Variants in NID1 observed in about 807,000 individuals in gnomAD.
NID1 encodes the protein nidogen-1.
Under a neutral mutation model 130.6 loss-of-function variants are expected in NID1, and 76 were observed. The ratio of observed to expected loss-of-function variants is 0.58; its 90% CI spans 0.48 to 0.70. The LOEUF is 0.70. Ranked by LOEUF, NID1 falls within the 30% of genes least tolerant of loss-of-function variation. The pLI is 0.00. For synonymous variants in NID1, 665 were observed against 675.1 expected (o/e 0.98, Z 0.23); for missense variants, 1,517 against 1,664.8 (o/e 0.91, Z 1.54).
At chr1:236,032,717 A>T (rs116464435) in intron 5 of NID1, 65 bp from the exon 6 acceptor site, 23,212 of 1,587,244 alleles carry the variant, frequency 0.015, 231 homozygotes, top group Middle Eastern at 0.025. Flanking sequence ...AACACGAGTA[A>T]TATGTAGGAC....
intron 12 of NID1, among the ~76,000 whole-genome samples, chr1:235,995,317 T>A (rs534732145): frequency 6.9e-4 from 105 of 152,344 alleles, no homozygotes; most frequent in Middle Eastern, 3.4e-3. Flanking sequence ...ATAGGTTATA[T>A]GCAAATACTA....
At chr1:236,013,128 A>G (rs1214217136) in intron 11 of NID1, among the ~76,000 whole-genome samples, 2 of 152,188 alleles carry the variant, frequency 1.3e-5, no homozygotes, top group African/African-American at 4.8e-5. Context: ...TCTTTGTGAA[A>G]GACAGAAAAT....
Position 236,045,453 on chromosome 1 carries a change from A to G in NID1, c.752+4T>C. ...GAATCTACTGAAGAACAAAGAAAGC[A>G]TACTTGGCCAAATTTTCAACTGATT... On this transcript the variant is annotated splice_donor_region_variant and intron_variant, in intron 3 of 19. Transcript: ENST00000264187. 5.6e-6 allele frequency: 9 copies of G among 1,607,456 alleles called. No individual in the cohort carries two copies. The highest frequency in any genetic ancestry group is 7.7e-6 in the Non-Finnish European group (9 of 1,174,060).
At chr1:236,042,358 C>G in intron 3 of NID1, 66 bp from the exon 4 acceptor site, 1 of 1,546,174 alleles carries the variant, frequency 6.5e-7, no homozygotes, top group Non-Finnish European at 8.7e-7. Context: ...ACTACCCAAG[C>G]AGAGGGAGCC....
chr1:236,022,552 C>T (rs1572601546), intron 9 of NID1, among the ~76,000 whole-genome samples: 2 of 150,438 alleles, frequency 1.3e-5, no homozygotes, highest in Admixed American at 6.6e-5. Flanking sequence ...GTTGGCCAGG[C>T]TGGTCTCAAA....
chr1:235,991,838 G>A (rs1235747565), intron 13 of NID1, among the ~76,000 whole-genome samples: 1 of 152,188 alleles, frequency 6.6e-6, no homozygotes, highest in African/African-American at 2.4e-5. Flanking sequence ...CTGTCAGAAT[G>A]AGTTGCCCCA....
At chr1:235,981,576 C>A in intron 16 of NID1, 35 bp downstream of exon 16, 2 of 1,581,226 alleles carry the variant, frequency 1.3e-6, no homozygotes, top group South Asian at 2.3e-5. Context: ...AGATGCAAAT[C>A]AAAGAGATGC....
intron 15 of NID1, among the ~76,000 whole-genome samples, chr1:235,982,788 T>C (rs1316275518): frequency 6.6e-6 from 1 of 152,208 alleles, no homozygotes; most frequent in African/African-American, 2.4e-5. Flanking sequence ...TCATTTAGTA[T>C]GACTGGAGTA....
At chr1:236,036,563 A>T (rs191904075) in intron 5 of NID1, among the ~76,000 whole-genome samples, 1 of 152,348 alleles carries the variant, frequency 6.6e-6, no homozygotes, top group East Asian at 1.9e-4. Context: ...ATTTGTTGGC[A>T]TCTGCTATGG....
At chr1:236,050,352 G>A (rs1315870049) in intron 1 of NID1, among the ~76,000 whole-genome samples, 2 of 151,704 alleles carry the variant, frequency 1.3e-5, no homozygotes, top group Admixed American at 6.6e-5. Context: ...TCAGGAGTTC[G>A]AGACCAGCCT....
intron 9 of NID1, among the ~76,000 whole-genome samples, chr1:236,020,492 G>A (rs940229678): frequency 2.0e-5 from 3 of 152,184 alleles, no homozygotes; most frequent in African/African-American, 7.2e-5. Flanking sequence ...TTGAGAAACA[G>A]CGGGAGCCAT....
At chr1:235,988,577 A>T (rs1657635834) in intron 14 of NID1, among the ~76,000 whole-genome samples, 1 of 152,222 alleles carries the variant, frequency 6.6e-6, no homozygotes, top group African/African-American at 2.4e-5. Flanking sequence ...ATATTTGTAT[A>T]CCCATGTTCA....
chr1:236,011,459 C>T (rs909621404), intron 12 of NID1, among the ~76,000 whole-genome samples: 6 of 152,006 alleles, frequency 3.9e-5, no homozygotes, highest in Admixed American at 6.6e-5. Context: ...CAAGCCACTA[C>T]GCCTGACTAA....
chr1:236,016,576 CTCA>C (rs1350118977), intron 10 of NID1, among the ~76,000 whole-genome samples: 1 of 152,124 alleles, frequency 6.6e-6, no homozygotes, highest in Non-Finnish European at 1.5e-5. Flanking sequence ...CTGACCCATC[CTCA>C]TCATCACCCA....
At chr1:236,013,347 G>T in intron 11 of NID1, 64 bp downstream of exon 11, 1 of 1,576,156 alleles carries the variant, frequency 6.3e-7, no homozygotes, top group South Asian at 1.1e-5. Context: ...ATTGGCACAT[G>T]ACAGGTACCA....
rs1657825458 is a variant in NID1 at position 235,993,525 on chromosome 1, G to T, written c.2755+120C>A. Reference sequence around the variant, plus strand: ...GGGTGCAGCAGGAGCGGGTGGGGCTGGAGCCAGTGGAACAGTTCAAGCTTT... The same window carrying T: ...GGGTGCAGCAGGAGCGGGTGGGGCTTGAGCCAGTGGAACAGTTCAAGCTTT... On this transcript the variant is annotated intron_variant, in intron 13 of 19. Coordinates refer to ENST00000264187, the MANE Select transcript of NID1 (RefSeq NM_002508.3). 5.3e-6 allele frequency: 5 copies of T among 938,402 alleles called. No homozygotes were observed. In the East Asian group the frequency reaches 1.3e-4, roughly 25 times the overall value. 58.1% of individuals were successfully genotyped at this position (938,402 alleles called of 1,614,324 possible).
At chr1:236,046,247 T>TCACAGAAATGAG in intron 2 of NID1, among the ~76,000 whole-genome samples, 1 of 152,122 alleles carries the variant, frequency 6.6e-6, no homozygotes, top group African/African-American at 2.4e-5. Context: ...ACCACCTCCT[T>TCACAGAAATGAG]CACAGAAATG....
At chr1:236,006,792 A>G (rs1038526245) in intron 12 of NID1, among the ~76,000 whole-genome samples, 1 of 152,156 alleles carries the variant, frequency 6.6e-6, no homozygotes, top group African/African-American at 2.4e-5. Flanking sequence ...TCTGAGTGGT[A>G]GTGACAACCA....
chr1:235,983,299 G>C (rs1314309130), intron 15 of NID1, among the ~76,000 whole-genome samples: 1 of 152,212 alleles, frequency 6.6e-6, no homozygotes, highest in Non-Finnish European at 1.5e-5. Flanking sequence ...CCCCCAGAAA[G>C]AAAGCCCGCC....
Sources: allele counts gnomAD v4.1 joint callset (sites outside exome capture counted in the v4.1 genomes callset), GRCh38; gene constraint gnomAD v4.1.1; transcripts MANE v1.5; gene names NCBI Gene and HGNC (gene_info 2026-07-23, HGNC 2026-07-21).